Variants in PHLPP1 observed in about 807,000 individuals in gnomAD.
PHLPP1 encodes PH domain and leucine rich repeat protein phosphatase 1, also known as PH domain leucine-rich repeat-containing protein phosphatase 1.
Under a neutral mutation model 117.2 loss-of-function variants are expected in PHLPP1, and 42 were observed. That is an observed-to-expected ratio of 0.36 (90% CI 0.28 to 0.46). PHLPP1 has a LOEUF of 0.46. PHLPP1 is among the 20% of genes least tolerant of loss of function. The pLI is 1.00. For missense variants in PHLPP1, 2,084 were observed against 2,241.9 expected, an observed-to-expected ratio of 0.93 and a Z score of 1.42; for synonymous variants, 1,042 against 970.7, an observed-to-expected ratio of 1.07 and a Z score of -1.37.
At chr18:62,887,726 TTTTTATTTTTA>T (rs1460172026) in intron 4 of PHLPP1, among the ~76,000 whole-genome samples, 3 of 152,158 alleles carry the variant, frequency 2.0e-5, no homozygotes, top group Non-Finnish European at 4.4e-5. Flanking sequence ...TTGTTTTTTG[TTTTTATTTTTA>T]TTTTATTTTT....
intron 1 of PHLPP1, among the ~76,000 whole-genome samples, chr18:62,759,845 T>C (rs759314856): frequency 6.6e-6 from 1 of 152,194 alleles, no homozygotes; most frequent in Non-Finnish European, 1.5e-5. Flanking sequence ...CAATCTTCTC[T>C]TTTGCAGCCT....
In PHLPP1 at chr18:62,941,836, A is replaced by G; in HGVS notation, c.3079A>G (p.Lys1027Glu). The G allele has an allele frequency of 6.2e-7, 1 of 1,614,022 alleles. No individual in the cohort carries two copies. Among genetic ancestry groups the G allele is most frequent in the Non-Finnish European group, 8.5e-7 (1 of 1,179,852 alleles). The change falls in exon 11 of 17, where the codon AAA (lysine) becomes GAA (glutamate). Residue 1027 changes from lysine to glutamate, a missense_variant. Around this residue, in one of 2 missense-constraint regions of PHLPP1, gnomAD observed 1,365 missense variants for 1,605.9 expected, o/e 0.85. Coordinates refer to ENST00000262719, the MANE Select transcript of PHLPP1 (RefSeq NM_194449.4). ...TTTGACAAATAACAGCCTCACAGAC[A>G]AATGTGTGCCCTTGTTAACGGGACA... ...LYLTNNSLTD[K>E]CVPLLTGHPH...
intron 1 of PHLPP1, among the ~76,000 whole-genome samples, chr18:62,782,351 T>C (rs1346543488): frequency 6.6e-6 from 1 of 152,108 alleles, no homozygotes; most frequent in Non-Finnish European, 1.5e-5. Context: ...TAGACTAAGG[T>C]GTAAGGAGCA....
intron 1 of PHLPP1, among the ~76,000 whole-genome samples, chr18:62,795,961 T>C (rs942886425): frequency 6.6e-6 from 1 of 152,228 alleles, no homozygotes; most frequent in African/African-American, 2.4e-5. Context: ...ATCCTTCTAC[T>C]CAGGGTATGT....
At chr18:62,733,839 C>T (rs1409015364) in intron 1 of PHLPP1, among the ~76,000 whole-genome samples, 1 of 152,146 alleles carries the variant, frequency 6.6e-6, no homozygotes, top group Admixed American at 6.5e-5. Flanking sequence ...GTTTTAGGAG[C>T]AACTCTAAAT....
At chr18:62,857,636 A>G (rs1024768008) in intron 3 of PHLPP1, among the ~76,000 whole-genome samples, 4 of 152,204 alleles carry the variant, frequency 2.6e-5, no homozygotes, top group Non-Finnish European at 5.9e-5. Flanking sequence ...CAAAAAACAC[A>G]GATTTCTACT....
intron 1 of PHLPP1, among the ~76,000 whole-genome samples, chr18:62,809,308 A>G (rs1914044918): frequency 6.6e-6 from 1 of 152,246 alleles, no homozygotes; most frequent in Non-Finnish European, 1.5e-5. Context: ...TTAGGGCTCC[A>G]AATCATTAAT....
intron 16 of PHLPP1, among the ~76,000 whole-genome samples, chr18:62,976,855 C>G (rs1911200838): frequency 6.6e-6 from 1 of 152,274 alleles, no homozygotes; most frequent in Non-Finnish European, 1.5e-5. Flanking sequence ...GTAGATGTTT[C>G]TTTGCAGGTC....
At chr18:62,912,296 G>A (rs1160677477) in intron 8 of PHLPP1, among the ~76,000 whole-genome samples, 1 of 101,176 alleles carries the variant, frequency 9.9e-6, no homozygotes, top group Non-Finnish European at 2.2e-5. Flanking sequence ...AAAACTTAGA[G>A]TATAATAAAA....
At chr18:62,834,514 G>C (rs1428827175) in intron 2 of PHLPP1, among the ~76,000 whole-genome samples, 1 of 152,140 alleles carries the variant, frequency 6.6e-6, no homozygotes, top group Non-Finnish European at 1.5e-5. Context: ...AAATACTACT[G>C]TTGGGTATAC....
chr18:62,716,007 C>T lies in PHLPP1; in HGVS notation c.324C>T (p.Pro108=). Residue 108 remains proline, a synonymous_variant, in exon 1 of 17, where the codon CCC becomes CCT. Coordinates refer to ENST00000262719, the MANE Select transcript of PHLPP1 (RefSeq NM_194449.4). This position sits in a 1 kb window ranked among gnomAD's most constrained non-coding sequence, Gnocchi z 5.7. The part of the protein sequence containing the change: ...APQPIAGGAA[P]VPGAGGGANS... ...AGCCCATTGCCGGCGGGGCTGCCCC[C>T]GTACCCGGGGCCGGCGGCGGCGCCA... 5 of 1,381,026 alleles carry T rather than the reference C, an allele frequency of 3.6e-6. No individual in the cohort carries two copies. The highest frequency in any genetic ancestry group is 4.6e-6 in the Non-Finnish European group (5 of 1,076,108). The allele number at this position is 1,381,026 out of a possible 1,614,324, so 85.5% of individuals were successfully genotyped here.
At chr18:62,793,861 T>A (rs1224508370) in intron 1 of PHLPP1, among the ~76,000 whole-genome samples, 1 of 152,192 alleles carries the variant, frequency 6.6e-6, no homozygotes, top group African/African-American at 2.4e-5. Context: ...TTTCTCAAAC[T>A]GGGGTCTGTC....
At chr18:62,917,148 A>G (rs1909311302) in intron 9 of PHLPP1, among the ~76,000 whole-genome samples, 1 of 149,264 alleles carries the variant, frequency 6.7e-6, no homozygotes, top group Non-Finnish European at 1.5e-5. Flanking sequence ...GAAGGCTACA[A>G]AGATATATTT....
chr18:62,824,777 C>T (rs1335372826), intron 1 of PHLPP1, among the ~76,000 whole-genome samples: 1 of 152,060 alleles, frequency 6.6e-6, no homozygotes, highest in Non-Finnish European at 1.5e-5. Flanking sequence ...CAAGGTCTTA[C>T]TGTGAAAATA....
At position 62,715,629 on chromosome 18, in the gene PHLPP1, T is replaced by C. The variant is rs1398833163; in HGVS notation, c.-55T>C. 2.5e-6 allele frequency: 3 copies of C among 1,186,516 alleles called. No individual in the cohort carries two copies. Among genetic ancestry groups the C allele is most frequent in the African/African-American group, 1.6e-5 (1 of 63,306 alleles). The allele number at this position is 1,186,516 out of a possible 1,614,324, so 73.5% of individuals were successfully genotyped here. A position where few individuals can be genotyped will look rare whatever the true frequency, so the allele number is the denominator to read the frequency against. On this transcript the variant is annotated 5_prime_UTR_variant, in exon 1 of 17. Coordinates refer to ENST00000262719, the MANE Select transcript of PHLPP1 (RefSeq NM_194449.4). ...CGTCTCCCACCTCCGCCTCATCGCCTCCCTCTCCGCCCGCTGCCTCCGGAG... is the reference window on the plus strand; with the variant it reads ...CGTCTCCCACCTCCGCCTCATCGCCCCCCTCTCCGCCCGCTGCCTCCGGAG...
At position 62,979,616 on chromosome 18, in the gene PHLPP1, C is replaced by G. The variant is rs188502149; in HGVS notation, c.*185C>G. On this transcript the variant is annotated 3_prime_UTR_variant, in exon 17 of 17. Transcript: ENST00000262719. ...TATTTTTTTAAGTAATCACCACTTT[C>G]TTCTAGTGATGCTTTACCAATATGA... The G allele has an allele frequency of 8.0e-6, 5 of 621,782 alleles. No homozygotes were observed. In the East Asian group the frequency reaches 1.4e-4, roughly 17 times the overall value. The allele number at this position is 621,782 out of a possible 1,614,324, so 38.5% of individuals were successfully genotyped here.
intron 1 of PHLPP1, among the ~76,000 whole-genome samples, chr18:62,746,775 GT>G (rs1190972166): frequency 3.3e-4 from 49 of 146,844 alleles, no homozygotes; most frequent in African/African-American, 5.5e-4. Flanking sequence ...TTGTATGTGG[GT>G]TTTTTTTTTC....
At chr18:62,829,991 G>C (rs752943874) in intron 1 of PHLPP1, 44 bp from the exon 2 acceptor site, 25 of 1,455,576 alleles carry the variant, frequency 1.7e-5, no homozygotes, top group Non-Finnish European at 2.3e-5. Flanking sequence ...GTAGGAAAAG[G>C]GTCCATTTTA....
intron 10 of PHLPP1, among the ~76,000 whole-genome samples, chr18:62,937,479 G>T (rs1057504451): frequency 6.6e-6 from 1 of 152,156 alleles, no homozygotes; most frequent in African/African-American, 2.4e-5. Flanking sequence ...TAGAAAAAAA[G>T]GACCTATGAA....
Sources: allele counts gnomAD v4.1 joint callset (sites outside exome capture counted in the v4.1 genomes callset), GRCh38; gene constraint gnomAD v4.1.1; regional missense constraint gnomAD v4.1.1; non-coding constraint Gnocchi (gnomAD v3.1); transcripts MANE v1.5; gene names NCBI Gene and HGNC (gene_info 2026-07-23, HGNC 2026-07-21).